The following POU6F2 variants were observed in gnomAD, a reference collection of about 807,000 sequenced individuals.
The protein encoded by POU6F2 is POU class 6 homeobox 2, also known as POU domain, class 6, transcription factor 2.
A neutral mutation model predicts 71.3 loss-of-function variants in POU6F2; 31 were observed. The ratio of observed to expected loss-of-function variants is 0.43; its 90% CI spans 0.33 to 0.59. The LOEUF (loss-of-function observed/expected upper bound fraction) is 0.59, where lower values mean the gene tolerates loss of function less well. Ranked by LOEUF, POU6F2 falls within the 20% of genes least tolerant of loss-of-function variation. The probability of loss-of-function intolerance (pLI) is 0.04; values close to 1 mark genes in which losing one functional copy is unlikely to be tolerated. For missense variants in POU6F2, 783 were observed against 856.8 expected (o/e 0.91, Z 1.07); for synonymous variants, 347 against 355.7 (o/e 0.98, Z 0.27).
chr7:39,136,234 C>T (rs180902950), intron 2 of POU6F2, among the ~76,000 whole-genome samples: 2 of 151,728 alleles, frequency 1.3e-5, no homozygotes, highest in Admixed American at 6.6e-5. Flanking sequence ...TTGACAAAAC[C>T]TAAATAAAAA....
chr7:39,380,161 T>C (rs1254342404), intron 5 of POU6F2, among the ~76,000 whole-genome samples: 1 of 152,212 alleles, frequency 6.6e-6, no homozygotes, highest in Non-Finnish European at 1.5e-5. Flanking sequence ...ATTTGAGCTG[T>C]ATAAACCTGG....
At position 39,284,704 on chromosome 7, in the gene POU6F2, T is replaced by C. The variant is rs1035614870; in HGVS notation, c.599-54938T>C. 3.9e-5 allele frequency among the ~76,000 whole-genome samples: 6 copies of C among 152,328 alleles called. No homozygotes were observed. The South Asian group carries it at 1.0e-3, about 26-fold the overall frequency. ...ATACTTTCTGTTTGGTATTTTAATGTGTTTGCCATTAAAATCATAGCAGGT... is the reference window on the plus strand; with the variant it reads ...ATACTTTCTGTTTGGTATTTTAATGCGTTTGCCATTAAAATCATAGCAGGT... On this transcript the variant is annotated intron_variant, in intron 4 of 9. Coordinates refer to ENST00000518318, the MANE Select transcript of POU6F2 (RefSeq NM_001370959.1).
intron 4 of POU6F2, among the ~76,000 whole-genome samples, chr7:39,307,946 T>A (rs1785078706): frequency 6.6e-6 from 1 of 151,464 alleles, no homozygotes; most frequent in Non-Finnish European, 1.5e-5. Context: ...CAGAGCAAGA[T>A]TCCGTTTCAA....
chr7:39,324,226 C>T (rs1785463326), intron 4 of POU6F2, among the ~76,000 whole-genome samples: 1 of 152,060 alleles, frequency 6.6e-6, no homozygotes, highest in South Asian at 2.1e-4. Context: ...ATCTGAGGGG[C>T]AGAGTGAGAC....
chr7:39,377,173 C>A (rs1786726804), intron 5 of POU6F2, among the ~76,000 whole-genome samples: 1 of 151,092 alleles, frequency 6.6e-6, no homozygotes, highest in Non-Finnish European at 1.5e-5. Flanking sequence ...TTCTGTCACC[C>A]AGTCTGGAGT....
intron 4 of POU6F2, among the ~76,000 whole-genome samples, chr7:39,210,353 A>C (rs1352751149): frequency 2.6e-5 from 4 of 152,140 alleles, no homozygotes; most frequent in African/African-American, 7.2e-5. Context: ...CTTCCTACCC[A>C]GCCCTCTAGC....
chr7:39,173,736 A>G (rs1308882875), intron 2 of POU6F2, among the ~76,000 whole-genome samples: 1 of 152,202 alleles, frequency 6.6e-6, no homozygotes, highest in African/African-American at 2.4e-5. Flanking sequence ...GGGCTTCTCC[A>G]GGGCTCCTTT....
chr7:39,373,522 G>A (rs760754840), intron 5 of POU6F2: 2 of 456,664 alleles, frequency 4.4e-6, no homozygotes, highest in Non-Finnish European at 8.8e-6. Flanking sequence ...AAAGGTGGAT[G>A]GAAGAATTTG....
intron 5 of POU6F2, chr7:39,406,272 A>G (rs184581147): frequency 3.8e-6 from 1 of 260,742 alleles, no homozygotes; most frequent in Admixed American, 4.8e-5. Context: ...AGTTTTATTT[A>G]GTCTAGAGGG....
At chr7:39,059,719 C>T (rs1355151730) in intron 1 of POU6F2, among the ~76,000 whole-genome samples, 1 of 152,110 alleles carries the variant, frequency 6.6e-6, no homozygotes, top group African/African-American at 2.4e-5. Flanking sequence ...TGTATAAAAA[C>T]TTGTATATAA....
chr7:39,177,189 T>TG (rs1282812999), intron 2 of POU6F2, among the ~76,000 whole-genome samples: 1 of 152,252 alleles, frequency 6.6e-6, no homozygotes, highest in Non-Finnish European at 1.5e-5. Flanking sequence ...CCTAGGACAC[T>TG]GGCCTTTTGT....
At chr7:39,259,998 ACAC>A (rs985007648) in intron 4 of POU6F2, among the ~76,000 whole-genome samples, 9 of 1,872 alleles carry the variant, frequency 4.8e-3, no homozygotes, top group African/African-American at 8.5e-3. Context: ...CCACAAGCAC[ACAC>A]CACACCACAC....
At chr7:39,142,093 A>G (rs1312262057) in intron 2 of POU6F2, among the ~76,000 whole-genome samples, 5 of 152,066 alleles carry the variant, frequency 3.3e-5, no homozygotes, top group Admixed American at 2.6e-4. Context: ...TCTAAAGAAA[A>G]ACAACAACCA....
intron 2 of POU6F2, among the ~76,000 whole-genome samples, 181 bp downstream of exon 2, chr7:39,086,212 A>C (rs1266065358): frequency 6.6e-6 from 1 of 151,510 alleles, no homozygotes; most frequent in African/African-American, 2.4e-5. Flanking sequence ...GATGTCCTCC[A>C]AACTTTTACC....
chr7:39,114,579 AT>A (rs34897526), intron 2 of POU6F2, among the ~76,000 whole-genome samples: 3 of 151,796 alleles, frequency 2.0e-5, no homozygotes, highest in Middle Eastern at 3.4e-3. Flanking sequence ...TAAAAAGGTG[AT>A]TTTTTTTTCT....
chr7:38,988,472 T>C (rs1788515011), intron 1 of POU6F2, among the ~76,000 whole-genome samples: 1 of 152,126 alleles, frequency 6.6e-6, no homozygotes, highest in African/African-American at 2.4e-5. Flanking sequence ...AGTCTGGTAT[T>C]CATTTCATGT....
chr7:39,396,211 C>G (rs988270596), intron 5 of POU6F2, among the ~76,000 whole-genome samples: 1 of 152,154 alleles, frequency 6.6e-6, no homozygotes, highest in African/African-American at 2.4e-5. Flanking sequence ...TAATGCTGAC[C>G]TCTCTACTTC....
intron 4 of POU6F2, among the ~76,000 whole-genome samples, chr7:39,215,657 T>C (rs1347011698): frequency 6.6e-6 from 1 of 152,188 alleles, no homozygotes; most frequent in African/African-American, 2.4e-5. Flanking sequence ...AATGCACATA[T>C]ACGCTACTGG....
In POU6F2 at chr7:39,460,999, C is replaced by T. The variant is rs754291376; in HGVS notation, c.1658+284C>T. Among the ~76,000 whole-genome samples the T allele has an allele frequency of 2.6e-5, 4 of 152,154 alleles. No homozygotes were observed. Among genetic ancestry groups the T allele is most frequent in the Non-Finnish European group, 4.4e-5 (3 of 68,032 alleles). On this transcript the variant is annotated intron_variant, in intron 9 of 9. Coordinates refer to ENST00000518318, the MANE Select transcript of POU6F2 (RefSeq NM_001370959.1). This position sits in a 1 kb window ranked among gnomAD's most constrained non-coding sequence, Gnocchi z 4.4. ...GGGTCAGGGGCCTTCCTCCTGGGCCCACACTCCTATGCAGCTGAGAGCCAC... is the reference window on the plus strand; with the variant it reads ...GGGTCAGGGGCCTTCCTCCTGGGCCTACACTCCTATGCAGCTGAGAGCCAC...
Sources: allele counts gnomAD v4.1 joint callset (sites outside exome capture counted in the v4.1 genomes callset), GRCh38; gene constraint gnomAD v4.1.1; non-coding constraint Gnocchi (gnomAD v3.1); transcripts MANE v1.5; gene names NCBI Gene and HGNC (gene_info 2026-07-23, HGNC 2026-07-21).